LRP2: variants seen among roughly 807,000 people sequenced by gnomAD.
LRP2 encodes low-density lipoprotein receptor-related protein 2.
A neutral mutation model predicts 531.0 loss-of-function variants in LRP2; 172 were observed. The ratio of observed to expected loss-of-function variants is 0.32; its 90% CI spans 0.29 to 0.37. The LOEUF is 0.37. Ranked by LOEUF, LRP2 falls within the 10% of genes least tolerant of loss-of-function variation. The pLI is 1.00. For missense variants in LRP2, 5,167 were observed against 5,868.3 expected (o/e 0.88, Z 3.90); for synonymous variants, 1,992 against 2,027.6 (o/e 0.98, Z 0.47).
intron 22 of LRP2, among the ~76,000 whole-genome samples, 188 bp from the exon 23 acceptor site, chr2:169,243,710 T>C (rs1386766078): frequency 2.0e-5 from 3 of 152,162 alleles, no homozygotes; most frequent in Non-Finnish European, 4.4e-5. Context: ...GGTTTTAGAA[T>C]TGAGAATAAA....
At chr2:169,361,342 C>A (rs1160731078) in intron 1 of LRP2, among the ~76,000 whole-genome samples, 1 of 50,952 alleles carries the variant, frequency 2.0e-5, no homozygotes, top group Non-Finnish European at 4.0e-5. Flanking sequence ...CTCTCTCTGT[C>A]TCTCTCTGTC....
At position 169,169,269 on chromosome 2, in the gene LRP2, C is replaced by A. The variant is rs1686902785; in HGVS notation, c.11497+433G>T. 2.6e-5 allele frequency among the ~76,000 whole-genome samples: 4 copies of A among 152,132 alleles called. No individual in the cohort carries two copies. The South Asian group carries it at 8.3e-4, about 32-fold the overall frequency. On this transcript the variant is annotated intron_variant, in intron 60 of 78. Coordinates refer to ENST00000649046, the MANE Select transcript of LRP2 (RefSeq NM_004525.3). ...ACCTACAGGTGTGGAGGGGCTGGCC[C>A]CCTTCAAGTTTTAATCATTTTTATA...
Position 169,233,588 on chromosome 2 carries a change from T to C in LRP2, c.4921A>G (p.Ile1641Val). 6.2e-7 allele frequency: 1 copy of C among 1,614,114 alleles called. No individual in the cohort carries two copies. The highest frequency in any genetic ancestry group is 8.5e-7 in the Non-Finnish European group (1 of 1,180,006). ...GTTAGGGCATAGGGGTGCCGTATAA[T>C]CTGTGAGGCAGAAGAGAACAGTGAG... Reference protein sequence around the residue: ...HRRQVIASDLIIRHPYALTLF... With the variant: ...HRRQVIASDLVIRHPYALTLF... The change falls in exon 30 of 79, where the codon ATT becomes GTT. Residue 1641 changes from isoleucine to valine, a missense_variant and splice_region_variant. Physicochemically the swap from Ile to Val is conservative, Grantham distance 29 (BLOSUM62 3). Transcript: ENST00000649046.
At chr2:169,266,574 T>A (rs1014376104) in intron 16 of LRP2, among the ~76,000 whole-genome samples, 18 of 152,030 alleles carry the variant, frequency 1.2e-4, no homozygotes, top group African/African-American at 4.3e-4. Flanking sequence ...GGAAATTGAG[T>A]AACTTCCCCA....
chr2:169,141,929 G>GTGGT (rs1186035009), intron 71 of LRP2, among the ~76,000 whole-genome samples: 1 of 152,174 alleles, frequency 6.6e-6, no homozygotes, highest in Admixed American at 6.5e-5. Flanking sequence ...GAGTCAAAGG[G>GTGGT]TGGTTCCTGG....
At chr2:169,333,710 C>A (rs955366213) in intron 1 of LRP2, among the ~76,000 whole-genome samples, 5 of 152,128 alleles carry the variant, frequency 3.3e-5, no homozygotes, top group African/African-American at 9.7e-5. Flanking sequence ...CAAATACTCT[C>A]ATGGTAGAAT....
In LRP2 at chr2:169,136,601, C is replaced by T. The variant is rs369781278; in HGVS notation, c.13620+791G>A. ...TACCTTGTGAAATTCCTTTTCCTGGCTCATCTGGCTCAAAAACTCCCCCCC... is the reference window on the plus strand; with the variant it reads ...TACCTTGTGAAATTCCTTTTCCTGGTTCATCTGGCTCAAAAACTCCCCCCC... On this transcript the variant is annotated intron_variant, in intron 76 of 78. Transcript: ENST00000649046. 3.9e-4 allele frequency among the ~76,000 whole-genome samples: 60 copies of T among 152,200 alleles called. No individual in the cohort carries two copies. The East Asian group carries it at 6.8e-3, about 17-fold the overall frequency.
chr2:169,256,066 G>C, intron 19 of LRP2, 40 bp downstream of exon 19: 1 of 1,605,502 alleles, frequency 6.2e-7, no homozygotes, highest in Non-Finnish European at 8.5e-7. Context: ...AACTTGCAAT[G>C]TATAAAAACA....
At chr2:169,199,690 T>G (rs540475191) in intron 44 of LRP2, among the ~76,000 whole-genome samples, 1 of 152,190 alleles carries the variant, frequency 6.6e-6, no homozygotes, top group African/African-American at 2.4e-5. Context: ...TCCAAATATC[T>G]TTAAAGTCAT....
chr2:169,182,459 G>C (rs1430639167), intron 50 of LRP2, 140 bp from the exon 51 acceptor site: 2 of 1,549,936 alleles, frequency 1.3e-6, no homozygotes, highest in Non-Finnish European at 1.7e-6. Context: ...AATGAGGGCA[G>C]GGGAAAACAG....
intron 9 of LRP2, among the ~76,000 whole-genome samples, chr2:169,285,630 C>T (rs11896551): frequency 0.064 from 9,685 of 152,098 alleles, 1,072 homozygotes; most frequent in African/African-American, 0.22. Context: ...CCCCCTTGGC[C>T]ACCCTCTGAT....
chr2:169,156,702 G>A (rs975806820), intron 64 of LRP2, among the ~76,000 whole-genome samples: 1 of 152,180 alleles, frequency 6.6e-6, no homozygotes, highest in African/African-American at 2.4e-5. Context: ...CTCTGCAATA[G>A]CAGAGCACAT....
chr2:169,285,384 G>A (rs191401789), intron 9 of LRP2, among the ~76,000 whole-genome samples: 170 of 151,800 alleles, frequency 1.1e-3, no homozygotes, highest in Non-Finnish European at 1.5e-3. Context: ...GGAATATGAA[G>A]GTTAATTAAC....
intron 1 of LRP2, among the ~76,000 whole-genome samples, chr2:169,321,260 C>T (rs1193166482): frequency 6.6e-6 from 1 of 152,088 alleles, no homozygotes; most frequent in Non-Finnish European, 1.5e-5. Context: ...ATTTTCATCG[C>T]AACATTATTT....
In LRP2 at chr2:169,335,474, A is replaced by C. The variant is rs79064071; in HGVS notation, c.80-14590T>G. Among the ~76,000 whole-genome samples the C allele has an allele frequency of 4.3e-3, 652 of 152,298 alleles. 5 individuals are homozygous for C. The highest frequency in any genetic ancestry group is 8.1e-3 in the Non-Finnish European group (554 of 68,014). ...GCATAAGCCATAGAATTAAGGACAT[A>C]AAGAAATTGAGGATTAATCAACTGA... On this transcript the variant is annotated intron_variant, in intron 1 of 78. Transcript: ENST00000649046.
At chr2:169,209,698 A>G (rs1400948361) in intron 37 of LRP2, 57 bp from the exon 38 acceptor site, 14 of 1,520,584 alleles carry the variant, frequency 9.2e-6, no homozygotes, top group East Asian at 2.3e-5. Flanking sequence ...GAACTTTTAA[A>G]TGTCTGCCCT....
rs761925487 is a variant in LRP2, at chr2:169,181,460, A to G, written c.10157T>C (p.Leu3386Pro). 7 of 1,614,016 alleles carry G rather than the reference A, an allele frequency of 4.3e-6. No homozygotes were observed. The highest frequency in any genetic ancestry group is 5.1e-6 in the Non-Finnish European group (6 of 1,179,838). ...TCTATGTACGTACTCTATGTAACCC[A>G]GGTGGGCATCTGCCCAGTAGAGTAG... ...NDLLYWADAH[L>P]GYIEYSDLEG... Residue 3386 changes from leucine to proline, a missense_variant, in exon 52 of 79, where the codon CTG becomes CCG. Leu to Pro is a moderately conservative substitution (Grantham distance 98, BLOSUM62 -3). Around this residue, in one of 6 missense-constraint regions of LRP2, gnomAD observed 1,129 missense variants for 1,362.7 expected, o/e 0.83. Coordinates refer to ENST00000649046, the MANE Select transcript of LRP2 (RefSeq NM_004525.3).
intron 50 of LRP2, among the ~76,000 whole-genome samples, chr2:169,185,036 C>T (rs557286358): frequency 3.1e-4 from 47 of 152,156 alleles, no homozygotes; most frequent in Non-Finnish European, 5.7e-4. Flanking sequence ...TCTGAGATTA[C>T]AGGCGTGAGC....
Position 169,362,316 on chromosome 2 carries a change from C to G in LRP2, c.79+5G>C, listed in dbSNP as rs1258158778. On this transcript the variant is annotated splice_donor_5th_base_variant and intron_variant, in intron 1 of 78. Coordinates refer to ENST00000649046, the MANE Select transcript of LRP2 (RefSeq NM_004525.3). The stretch of plus-strand genomic sequence containing the variant: ...CTCCACGAGAGGCTCTGGCTGGGCT[C>G]TTACCTTGGCCACTGGCCGGCGCTA... 5.8e-6 allele frequency: 9 copies of G among 1,557,716 alleles called. No homozygotes were observed. Among genetic ancestry groups the G allele is most frequent in the Non-Finnish European group, 7.8e-6 (9 of 1,151,532 alleles).
Sources: gnomAD v4.1 joint callset for allele counts (sites outside exome capture counted in the v4.1 genomes callset) on GRCh38, gnomAD v4.1.1 for gene constraint, gnomAD v4.1.1 regional missense constraint, MANE v1.5 for transcripts, NCBI Gene and HGNC (gene_info 2026-07-23, HGNC 2026-07-21) for gene names.